Variants in FMNL3 observed in about 807,000 individuals in gnomAD.
FMNL3 encodes formin-like protein 3.
A neutral mutation model predicts 119.6 loss-of-function variants in FMNL3; 57 were observed. The observed-to-expected ratio is 0.48, with a 90% CI of 0.39 to 0.59. FMNL3 has a LOEUF of 0.59. Among genes scored for constraint, FMNL3 ranks in the 20% least tolerant of loss-of-function variants. FMNL3 has a pLI of 0.00. For missense variants in FMNL3, 1,053 were observed against 1,323.5 expected (o/e 0.80, Z 3.17); for synonymous variants, 491 against 507.3 (o/e 0.97, Z 0.43).
intron 1 of FMNL3, among the ~76,000 whole-genome samples, chr12:49,669,977 G>A (rs1433401049): frequency 1.3e-5 from 2 of 152,180 alleles, no homozygotes; most frequent in South Asian, 2.1e-4. Context: ...CCAAAGTGTC[G>A]CAGCTGCGTG....
At chr12:49,700,123 G>T (rs1337906569) in intron 1 of FMNL3, among the ~76,000 whole-genome samples, 2 of 152,184 alleles carry the variant, frequency 1.3e-5, no homozygotes, top group African/African-American at 4.8e-5. Flanking sequence ...GCTGGGCGTG[G>T]TGCTCACGCC....
intron 11 of FMNL3, 87 bp downstream of exon 11, chr12:49,654,105 T>G (rs1943494200): frequency 7.6e-7 from 1 of 1,311,272 alleles, no homozygotes; most frequent in Non-Finnish European, 1.1e-6. Flanking sequence ...GCATCAAGGA[T>G]TAGGCACTTA....
intron 1 of FMNL3, among the ~76,000 whole-genome samples, chr12:49,669,914 T>C (rs887101115): frequency 1.3e-5 from 2 of 152,210 alleles, no homozygotes; most frequent in Admixed American, 1.3e-4. Flanking sequence ...GACACTTTAA[T>C]CAGACCACTG....
intron 12 of FMNL3, 121 bp from the exon 13 acceptor site, chr12:49,653,448 C>A: frequency 9.7e-7 from 1 of 1,031,670 alleles, no homozygotes; most frequent in Admixed American, 1.9e-5. Context: ...GCAGCTTAGT[C>A]AGGTGGTTCC....
intron 4 of FMNL3, among the ~76,000 whole-genome samples, chr12:49,663,249 A>T (rs1943791553): frequency 6.6e-6 from 1 of 152,104 alleles, no homozygotes; most frequent in Admixed American, 6.5e-5. Context: ...GGATCTTGAC[A>T]CTTTGAGGAG....
In FMNL3 at chr12:49,682,408, A is replaced by G. The variant is rs553773370; in HGVS notation, c.127-13854T>C. Reference sequence around the variant, plus strand: ...TTTTGAGACAGAGTACAGCAGCATAACCACAACTCACTGTAACCTTGAACT... The same window carrying G: ...TTTTGAGACAGAGTACAGCAGCATAGCCACAACTCACTGTAACCTTGAACT... On this transcript the variant is annotated intron_variant, in intron 1 of 25. Coordinates refer to ENST00000335154, the MANE Select transcript of FMNL3 (RefSeq NM_175736.5). Among the ~76,000 whole-genome samples the G allele has an allele frequency of 9.2e-5, 14 of 152,216 alleles. No homozygotes were observed. In the South Asian group the frequency reaches 2.9e-3, roughly 32 times the overall value.
In FMNL3 at chr12:49,643,137, G is replaced by A; in HGVS notation, c.*2678C>T. On this transcript the variant is annotated 3_prime_UTR_variant, in exon 26 of 26. Transcript: ENST00000335154. ...AGTTTGAGGATTCCTTTGGCCCTGG[G>A]TCCTCCTCCTCTCTCGAATTCCCAG... 6.3e-7 allele frequency: 1 copy of A among 1,589,436 alleles called. No homozygotes were observed. The highest frequency in any genetic ancestry group is 8.6e-7 in the Non-Finnish European group (1 of 1,161,260).
chr12:49,693,214 T>C (rs1278440295), intron 1 of FMNL3, among the ~76,000 whole-genome samples: 1 of 151,996 alleles, frequency 6.6e-6, no homozygotes, highest in East Asian at 1.9e-4. Context: ...GGTGGGAAGA[T>C]GGAGATAGGG....
chr12:49,707,164 C>G lies in FMNL3; in HGVS notation c.17G>C (p.Ser6Thr). The stretch of plus-strand genomic sequence containing the variant: ...GGGCTCTCCCGGGACCCCCTCGGCG[C>G]TCTCCAGGTTGCCCATCGCGGCGGG... MGNLE[S>T]AEGVPGEPPS... The change falls in exon 1 of 26, where the codon AGC becomes ACC. Residue 6 changes from serine (S) to threonine (T), a missense_variant. Coordinates refer to ENST00000335154, the MANE Select transcript of FMNL3 (RefSeq NM_175736.5). 6.3e-7 allele frequency: 1 copy of G among 1,576,772 alleles called. No individual in the cohort carries two copies. Among genetic ancestry groups the G allele is most frequent in the Non-Finnish European group, 8.6e-7 (1 of 1,164,250 alleles).
intron 1 of FMNL3, among the ~76,000 whole-genome samples, chr12:49,687,708 A>G (rs1173991524): frequency 1.3e-5 from 2 of 152,214 alleles, no homozygotes; most frequent in East Asian, 1.9e-4. Context: ...CAGAGTAAAC[A>G]CTCAATAAAT....
chr12:49,647,603 G>T lies in FMNL3; in HGVS notation c.2778+100C>A, dbSNP rs755726305. On this transcript the variant is annotated intron_variant, in intron 23 of 25. Coordinates refer to ENST00000335154, the MANE Select transcript of FMNL3 (RefSeq NM_175736.5). This position sits in a 1 kb window ranked among gnomAD's most constrained non-coding sequence, Gnocchi z 4.9. ...TTGCATCGCTCCCTTCCCAGGACTC[G>T]GAGGAGGAGTCGGAAAAGGCCCATA... 1.8e-6 allele frequency: 2 copies of T among 1,123,040 alleles called. No homozygotes were observed. Among genetic ancestry groups the T allele is most frequent in the Non-Finnish European group, 2.6e-6 (2 of 756,894 alleles). The allele number at this position is 1,123,040 out of a possible 1,614,324, so 69.6% of individuals were successfully genotyped here.
chr12:49,704,911 TCTA>T (rs1443000195), intron 1 of FMNL3, among the ~76,000 whole-genome samples: 2 of 152,146 alleles, frequency 1.3e-5, no homozygotes, highest in Non-Finnish European at 2.9e-5. Flanking sequence ...CCTTGATTTT[TCTA>T]CTACACTATG....
intron 1 of FMNL3, among the ~76,000 whole-genome samples, chr12:49,680,344 C>T (rs1944304309): frequency 1.3e-5 from 2 of 152,254 alleles, no homozygotes; most frequent in South Asian, 2.1e-4. Flanking sequence ...CTGGCACAGG[C>T]ACACATCTGT....
chr12:49,654,236 G>A lies in FMNL3; in HGVS notation c.1027C>T (p.Leu343=), dbSNP rs201275243. Residue 343 remains leucine, a synonymous_variant, in exon 11 of 26, where the codon CTG becomes TTG. Transcript: ENST00000335154. ...CCCAGCTTGGTAAACTCATACTGCA[G>A]GTGGACCCGGAAGTTCATGTCCTCC... The part of the protein sequence containing the change: ...SVEDMNFRVH[L]QYEFTKLGLE... 3.1e-6 allele frequency: 5 copies of A among 1,614,172 alleles called. No individual in the cohort carries two copies. The Admixed American group carries it at 8.3e-5, about 27-fold the overall frequency.
chr12:49,703,229 C>T (rs1015341249), intron 1 of FMNL3, among the ~76,000 whole-genome samples: 5 of 152,154 alleles, frequency 3.3e-5, no homozygotes, highest in African/African-American at 9.7e-5. Context: ...CTTTCAAAGA[C>T]CTTAGAGCCC....
chr12:49,698,890 T>C (rs1260470278), intron 1 of FMNL3, among the ~76,000 whole-genome samples: 1 of 152,210 alleles, frequency 6.6e-6, no homozygotes, highest in Non-Finnish European at 1.5e-5. Flanking sequence ...TTCACTTCTC[T>C]ATGAATGACA....
chr12:49,647,713 C>T lies in FMNL3; in HGVS notation c.2768G>A (p.Arg923His), dbSNP rs781556112. The change falls in exon 23 of 26, where the codon CGT becomes CAT. Residue 923 changes from arginine to histidine, a missense_variant. This residue lies in a region of FMNL3 where 324 missense variants were observed against 380.9 expected (regional missense o/e 0.85). Coordinates refer to ENST00000335154, the MANE Select transcript of FMNL3 (RefSeq NM_175736.5). The surrounding 1 kb of genome is among the most constrained non-coding windows in gnomAD (Gnocchi z 4.9). Reference sequence around the variant, plus strand: ...CTCTCTGCAGCTTACCTTGTAAGAACGAATGAATCGGACAAATACTGGGAA... The same window carrying T: ...CTCTCTGCAGCTTACCTTGTAAGAATGAATGAATCGGACAAATACTGGGAA... ...VFFPVFVRFI[R>H]SYKEAEQENE... 12 of 1,613,836 alleles carry T rather than the reference C, an allele frequency of 7.4e-6. No individual in the cohort carries two copies. The highest frequency in any genetic ancestry group is 3.3e-4 in the Middle Eastern group (2 of 6,080).
chr12:49,693,635 GGT>G (rs1467146584), intron 1 of FMNL3, among the ~76,000 whole-genome samples: 386 of 21,226 alleles, frequency 0.018, 157 homozygotes, highest in Middle Eastern at 0.083. Flanking sequence ...TCCCAATCTT[GGT>G]TTTTTTTTTT....
At chr12:49,699,431 G>A (rs12297814) in intron 1 of FMNL3, among the ~76,000 whole-genome samples, 3,385 of 152,192 alleles carry the variant, frequency 0.022, 134 homozygotes, top group African/African-American at 0.077. Context: ...CTCACCAGCT[G>A]TAGCAGTTGT....
Sources: gnomAD v4.1 joint callset for allele counts (sites outside exome capture counted in the v4.1 genomes callset) on GRCh38, gnomAD v4.1.1 for gene constraint, gnomAD v4.1.1 regional missense constraint, Gnocchi (gnomAD v3.1) non-coding constraint, MANE v1.5 for transcripts, NCBI Gene and HGNC (gene_info 2026-07-23, HGNC 2026-07-21) for gene names.